SLIT1: variants seen among roughly 807,000 people sequenced by gnomAD.
SLIT1 encodes slit guidance ligand 1.
Under a neutral mutation model 186.1 loss-of-function variants are expected in SLIT1, and 66 were observed. The observed-to-expected ratio is 0.35, with a 90% CI of 0.29 to 0.44. The LOEUF is 0.44. Among genes scored for constraint, SLIT1 ranks in the 20% least tolerant of loss-of-function variants. SLIT1 has a pLI of 1.00. For missense variants in SLIT1, 1,638 were observed against 2,037.4 expected (o/e 0.80, Z 3.77); for synonymous variants, 761 against 833.8 (o/e 0.91, Z 1.50).
intron 1 of SLIT1, among the ~76,000 whole-genome samples, chr10:97,172,805 G>A (rs1019545024): frequency 2.6e-4 from 40 of 152,000 alleles, no homozygotes; most frequent in African/African-American, 9.2e-4. Context: ...GAGGTGGGGG[G>A]ATCACTTGAG....
At chr10:97,144,986 C>G (rs771335642) in intron 4 of SLIT1, among the ~76,000 whole-genome samples, 4 of 152,112 alleles carry the variant, frequency 2.6e-5, no homozygotes, top group African/African-American at 7.2e-5. Context: ...TACCCAGGAT[C>G]ACTGGAGGAA....
chr10:97,043,331 C>A lies in SLIT1; in HGVS notation c.1997+39G>T. 1 of 1,611,706 alleles carries A rather than the reference C, an allele frequency of 6.2e-7. No homozygotes were observed. The highest frequency in any genetic ancestry group is 8.5e-7 in the Non-Finnish European group (1 of 1,179,404). On this transcript the variant is annotated intron_variant, in intron 19 of 36. Coordinates refer to ENST00000266058, the MANE Select transcript of SLIT1 (RefSeq NM_003061.3). This position sits in a 1 kb window ranked among gnomAD's most constrained non-coding sequence, Gnocchi z 7.0. ...GGCCGAGACGGTTGGGACGGTTGCT[C>A]CAGAGCCCCCGCCCGCCTGTCCTGG... is the stretch of plus-strand genomic sequence containing the variant.
At chr10:97,030,667 ACT>A in intron 25 of SLIT1, 88 bp downstream of exon 25, 1 of 1,092,926 alleles carries the variant, frequency 9.1e-7, no homozygotes, top group East Asian at 2.4e-5. Context: ...AAAGCAACAA[ACT>A]CTGACAATCT....
At chr10:97,149,911 C>T (rs766402685) in intron 4 of SLIT1, among the ~76,000 whole-genome samples, 15 of 152,150 alleles carry the variant, frequency 9.9e-5, no homozygotes, top group South Asian at 2.1e-4. Context: ...AGCTGTATGG[C>T]GCACATTAGC....
rs554515064 is a variant in SLIT1, at chr10:97,060,929, T to C, written c.794-142A>G. ...GAACCAGAGGGGATCACTAATGAAA[T>C]AAGATTCTGGACTTTGATATAACTC... is the stretch of plus-strand genomic sequence containing the variant. On this transcript the variant is annotated intron_variant, in intron 8 of 36. Coordinates refer to ENST00000266058, the MANE Select transcript of SLIT1 (RefSeq NM_003061.3). The C allele has an allele frequency of 2.9e-5, 27 of 947,006 alleles. 1 individual carries two copies. The South Asian group carries it at 4.5e-4, about 16-fold the overall frequency. 58.7% of individuals were successfully genotyped at this position (947,006 alleles called of 1,614,324 possible).
At chr10:97,033,514 A>T (rs1203625537) in intron 23 of SLIT1, among the ~76,000 whole-genome samples, 1 of 152,190 alleles carries the variant, frequency 6.6e-6, no homozygotes, top group East Asian at 1.9e-4. Flanking sequence ...CTCAATATCC[A>T]TCAAGACTAG....
rs139422503 is a variant in SLIT1 at position 97,157,853 on chromosome 10, T to C, written c.378A>G (p.Glu126=). Residue 126 remains glutamate (E), a synonymous_variant, in exon 4 of 37, where the codon GAA becomes GAG. Transcript: ENST00000266058. ...LNRNQLHMLP[E]LLFQNNQALS... is the part of the protein sequence containing the mutation. ...AAGCCTGGTTGTTCTGGAACAGCAG[T>C]TCCGGTAACATGTGCAGCTGGTTTC... 1 of 1,613,920 alleles carries C rather than the reference T, an allele frequency of 6.2e-7. No homozygotes were observed. The highest frequency in any genetic ancestry group is 8.5e-7 in the Non-Finnish European group (1 of 1,179,912).
At chr10:97,129,383 CAAA>C (rs57535501) in intron 4 of SLIT1, among the ~76,000 whole-genome samples, 226 of 137,448 alleles carry the variant, frequency 1.6e-3, no homozygotes, top group East Asian at 3.5e-3. Context: ...GACTGTGTCT[CAAA>C]AAAAAAAAAA....
chr10:97,098,946 C>G (rs1419943574), intron 4 of SLIT1, among the ~76,000 whole-genome samples: 1 of 152,160 alleles, frequency 6.6e-6, no homozygotes. Flanking sequence ...CACTCAGCCC[C>G]TCCTGTCCCC....
intron 26 of SLIT1, 102 bp from the exon 27 acceptor site, chr10:97,019,209 T>C: frequency 1.3e-6 from 1 of 741,948 alleles, no homozygotes; most frequent in South Asian, 1.7e-5. Context: ...AGGAGCCGTT[T>C]CCCCTCCTGA....
At chr10:97,172,722 C>A (rs1434508816) in intron 1 of SLIT1, among the ~76,000 whole-genome samples, 2 of 152,054 alleles carry the variant, frequency 1.3e-5, no homozygotes, top group African/African-American at 4.8e-5. Flanking sequence ...GGTGACATAG[C>A]AAGACCCTGT....
At chr10:97,107,985 G>A (rs111991608) in intron 4 of SLIT1, among the ~76,000 whole-genome samples, 62 of 152,294 alleles carry the variant, frequency 4.1e-4, no homozygotes, top group African/African-American at 1.2e-3. Context: ...GCTCCGGTCC[G>A]GGGGCAAAAA....
intron 4 of SLIT1, among the ~76,000 whole-genome samples, chr10:97,076,437 G>A (rs1360288128): frequency 1.3e-5 from 2 of 152,066 alleles, no homozygotes; most frequent in African/African-American, 4.8e-5. Flanking sequence ...GGACCATCCC[G>A]CCTTTGTCTC....
chr10:97,002,378 GAC>G lies in SLIT1; in HGVS notation c.4155-11_4155-10del, dbSNP rs752215789. Reference sequence around the variant, plus strand: ...ATTGCCCATGGACACACCTGGAGGAGACAGAGAAAAGGCGCTGTGAGGACAAA... The same window carrying G: ...ATTGCCCATGGACACACCTGGAGGAGAGAGAAAAGGCGCTGTGAGGACAAA... On this transcript the variant is annotated splice_polypyrimidine_tract_variant and intron_variant, in intron 35 of 36. Transcript: ENST00000266058. The G allele has an allele frequency of 6.3e-7, 1 of 1,584,460 alleles. No homozygotes were observed. Among genetic ancestry groups the G allele is most frequent in the Non-Finnish European group, 8.6e-7 (1 of 1,165,650 alleles).
At position 97,002,148 on chromosome 10, in the gene SLIT1, G is replaced by A; in HGVS notation, c.4366+10C>T. 7.0e-7 allele frequency: 1 copy of A among 1,426,770 alleles called. No homozygotes were observed. The highest frequency in any genetic ancestry group is 9.2e-7 in the Non-Finnish European group (1 of 1,082,148). The allele number at this position is 1,426,770 out of a possible 1,614,324, so 88.4% of individuals were successfully genotyped here. A position where few individuals can be genotyped will look rare whatever the true frequency, so the allele number is the denominator to read the frequency against. On this transcript the variant is annotated intron_variant, in intron 36 of 36. Coordinates refer to ENST00000266058, the MANE Select transcript of SLIT1 (RefSeq NM_003061.3). ...CCTGGGGAGGGCACGTCAGGAGGGGGGCCCCTGACCTTGCTCACACAGCTC... is the reference window on the plus strand; with the variant it reads ...CCTGGGGAGGGCACGTCAGGAGGGGAGCCCCTGACCTTGCTCACACAGCTC...
chr10:97,081,032 T>G (rs11189001), intron 4 of SLIT1, among the ~76,000 whole-genome samples: 56,523 of 152,126 alleles, frequency 0.37, 11,846 homozygotes, highest in African/African-American at 0.57. Flanking sequence ...GAATGCACAG[T>G]CTACGCAACA....
At chr10:97,015,180 G>A (rs1022747106) in intron 28 of SLIT1, among the ~76,000 whole-genome samples, 1 of 152,218 alleles carries the variant, frequency 6.6e-6, no homozygotes, top group Non-Finnish European at 1.5e-5. Context: ...GGTGGCATCT[G>A]TCCCAGCCCC....
intron 4 of SLIT1, among the ~76,000 whole-genome samples, chr10:97,138,649 G>GC (rs144610861): frequency 3.4e-5 from 2 of 58,958 alleles, no homozygotes; most frequent in Non-Finnish European, 9.6e-5. Context: ...GTAGGAAACT[G>GC]TTTTTTTTTT....
chr10:97,141,680 T>TCA lies in SLIT1; in HGVS notation c.413+16137_413+16138insTG, dbSNP rs771135410. On this transcript the variant is annotated intron_variant, in intron 4 of 36. Coordinates refer to ENST00000266058, the MANE Select transcript of SLIT1 (RefSeq NM_003061.3). ...TTGTATTGCATTGCATTGTATCGTA[T>TCA]TGTATCGTATCGTATCGTATCGTAT... Among the ~76,000 whole-genome samples, 216 of 141,790 alleles carry TCA rather than the reference T, an allele frequency of 1.5e-3. 1 individual carries two copies. Among genetic ancestry groups the TCA allele is most frequent in the Middle Eastern group, 6.8e-3 (2 of 292 alleles). 93.0% of individuals were successfully genotyped at this position (141,790 alleles called of 152,430 possible). A position where few individuals can be genotyped will look rare whatever the true frequency, so the allele number is the denominator to read the frequency against.
Sources: gnomAD v4.1 joint callset for allele counts (sites outside exome capture counted in the v4.1 genomes callset) on GRCh38, gnomAD v4.1.1 for gene constraint, Gnocchi (gnomAD v3.1) non-coding constraint, MANE v1.5 for transcripts, NCBI Gene and HGNC (gene_info 2026-07-23, HGNC 2026-07-21) for gene names.